PLEKHM3: variants seen among roughly 807,000 people sequenced by gnomAD.
PLEKHM3 encodes pleckstrin homology domain containing M3, also known as pleckstrin homology domain-containing family M member 3.
A neutral mutation model predicts 81.8 loss-of-function variants in PLEKHM3; 45 were observed. The ratio of observed to expected loss-of-function variants is 0.55; its 90% CI spans 0.43 to 0.71. PLEKHM3 has a LOEUF of 0.71. Ranked by LOEUF, PLEKHM3 falls within the 30% of genes least tolerant of loss-of-function variation. The pLI, the probability that PLEKHM3 is intolerant of heterozygous loss-of-function variation, is 0.00. For missense variants in PLEKHM3, 788 were observed against 924.3 expected (o/e 0.85, Z 1.91); for synonymous variants, 352 against 356.4 (o/e 0.99, Z 0.14).
intron 3 of PLEKHM3, among the ~76,000 whole-genome samples, chr2:207,964,176 C>T (rs141985410): frequency 0.037 from 5,641 of 151,702 alleles, 325 homozygotes; most frequent in African/African-American, 0.13. Context: ...CACGCCACTG[C>T]ACTCCAGCCT....
chr2:207,987,544 C>T (rs572497974), intron 2 of PLEKHM3, among the ~76,000 whole-genome samples: 45 of 152,272 alleles, frequency 3.0e-4, no homozygotes, highest in African/African-American at 7.7e-4. Context: ...GCGGACTCAG[C>T]GGGAAAGAAC....
In PLEKHM3 at chr2:207,825,330, CA is replaced by C. The variant is rs2105873291; in HGVS notation, c.*2988del. 6.6e-6 allele frequency: 1 copy of C among 152,244 alleles called. No homozygotes were observed. The highest frequency in any genetic ancestry group is 6.5e-5 in the Admixed American group (1 of 15,298). 9.4% of individuals were successfully genotyped at this position (152,244 alleles called of 1,614,324 possible). ...GTGATACACTAGGGAATGAGCCTTT[CA>C]GCAAAAAGCGGTTCCCCGGAGTCAG... On this transcript the variant is annotated 3_prime_UTR_variant, in exon 8 of 8. Coordinates refer to ENST00000427836, the MANE Select transcript of PLEKHM3 (RefSeq NM_001080475.3).
rs770829129 is a variant in PLEKHM3 at position 207,828,488 on chromosome 2, C to A, written c.2117G>T (p.Ser706Ile). ...FEDISTSRCE[S>I]CGAVFHSECK... Reference sequence around the variant, plus strand: ...TTCAGAATGGAAAACGGCTCCACAGCTTTCACACCTGCAAAAGTCAACCAT... The same window carrying A: ...TTCAGAATGGAAAACGGCTCCACAGATTTCACACCTGCAAAAGTCAACCAT... The change falls in exon 8 of 8, where the codon AGC becomes ATC. Residue 706 changes from serine to isoleucine, a missense_variant. Coordinates refer to ENST00000427836, the MANE Select transcript of PLEKHM3 (RefSeq NM_001080475.3). 1 of 1,613,576 alleles carries A rather than the reference C, an allele frequency of 6.2e-7. No homozygotes were observed. Among genetic ancestry groups the A allele is most frequent in the East Asian group, 2.2e-5 (1 of 44,872 alleles).
At chr2:207,997,353 A>C (rs1251994864) in intron 2 of PLEKHM3, among the ~76,000 whole-genome samples, 1 of 152,124 alleles carries the variant, frequency 6.6e-6, no homozygotes, top group Non-Finnish European at 1.5e-5. Flanking sequence ...GATGAAGAAG[A>C]CCCTTGGACT....
intron 6 of PLEKHM3, among the ~76,000 whole-genome samples, chr2:207,907,197 T>C (rs1688637548): frequency 6.6e-6 from 1 of 152,106 alleles, no homozygotes; most frequent in South Asian, 2.1e-4. Context: ...GCTAATCTGG[T>C]TAATCATTAA....
At chr2:207,951,860 C>T (rs1330387759) in intron 3 of PLEKHM3, among the ~76,000 whole-genome samples, 8 of 152,174 alleles carry the variant, frequency 5.3e-5, no homozygotes, top group Admixed American at 3.3e-4. Context: ...CTCTACTTTA[C>T]GACTATTACC....
chr2:207,934,102 A>G (rs1425820469), intron 4 of PLEKHM3, among the ~76,000 whole-genome samples: 1 of 152,238 alleles, frequency 6.6e-6, no homozygotes, highest in African/African-American at 2.4e-5. Context: ...AAATGTTAAA[A>G]AAAAAGTTAC....
chr2:207,942,206 A>G (rs1206877675), intron 4 of PLEKHM3, among the ~76,000 whole-genome samples: 1 of 152,248 alleles, frequency 6.6e-6, no homozygotes, highest in Admixed American at 6.5e-5. Flanking sequence ...GCACAATGGG[A>G]TATTATTCAG....
intron 4 of PLEKHM3, among the ~76,000 whole-genome samples, chr2:207,945,875 T>G (rs1690107056): frequency 6.6e-6 from 1 of 150,524 alleles, no homozygotes; most frequent in African/African-American, 2.4e-5. Context: ...CACTCCAGCC[T>G]GGGTGATGGA....
chr2:207,874,634 C>T (rs2092551825), intron 6 of PLEKHM3, among the ~76,000 whole-genome samples: 1 of 151,670 alleles, frequency 6.6e-6, no homozygotes, highest in Non-Finnish European at 1.5e-5. Flanking sequence ...CTCTGTCGCC[C>T]AGGCTGGAGT....
chr2:208,016,000 C>A (rs766507642), intron 1 of PLEKHM3, among the ~76,000 whole-genome samples: 2 of 152,058 alleles, frequency 1.3e-5, no homozygotes, highest in Non-Finnish European at 2.9e-5. Flanking sequence ...TCGAGACCAG[C>A]CTGGCCAAAA....
At position 207,999,710 on chromosome 2, in the gene PLEKHM3, A is replaced by G. The variant is rs140643786; in HGVS notation, c.610+1320T>C. Among the ~76,000 whole-genome samples, 438 of 152,324 alleles carry G rather than the reference A, an allele frequency of 2.9e-3. 2 individuals carry two copies. The highest frequency in any genetic ancestry group is 3.4e-3 in the Non-Finnish European group (233 of 68,008). On this transcript the variant is annotated intron_variant, in intron 2 of 7. Coordinates refer to ENST00000427836, the MANE Select transcript of PLEKHM3 (RefSeq NM_001080475.3). ...TGTAAGACTGGTGAGAGCCTACGAG[A>G]GAAGACAAGGAATTACAAGTCATGA...
In PLEKHM3 at chr2:208,001,810, G is replaced by C; in HGVS notation, c.-171C>G. 9.0e-7 allele frequency: 1 copy of C among 1,106,266 alleles called. No homozygotes were observed. The highest frequency in any genetic ancestry group is 1.3e-6 in the Non-Finnish European group (1 of 794,706). The allele number at this position is 1,106,266 out of a possible 1,614,324, so 68.5% of individuals were successfully genotyped here. A position where few individuals can be genotyped will look rare whatever the true frequency, so the allele number is the denominator to read the frequency against. ...AACCCAAAGTGGTTGATGTTTTCCT[G>C]GTAATTAAAAGCATTTGCTAGTGGC... On this transcript the variant is annotated 5_prime_UTR_variant, in exon 2 of 8. Transcript: ENST00000427836.
chr2:207,841,932 A>T (rs2092356693), intron 7 of PLEKHM3, among the ~76,000 whole-genome samples: 2 of 151,988 alleles, frequency 1.3e-5, no homozygotes, highest in Admixed American at 6.6e-5. Context: ...TACTGCCCCG[A>T]TCTTTATTTT....
At chr2:207,995,959 T>A (rs554419335) in intron 2 of PLEKHM3, among the ~76,000 whole-genome samples, 1 of 152,130 alleles carries the variant, frequency 6.6e-6, no homozygotes, top group Admixed American at 6.5e-5. Context: ...CGTTATAAAA[T>A]TATCTCAAAT....
rs552014878 is a variant in PLEKHM3, at chr2:207,822,958, G to T, written c.*5361C>A. The T allele has an allele frequency of 1.3e-5, 2 of 152,328 alleles. No homozygotes were observed. The highest frequency in any genetic ancestry group is 6.5e-5 in the Admixed American group (1 of 15,270). 9.4% of individuals were successfully genotyped at this position (152,328 alleles called of 1,614,324 possible). ...CTCTGGGCTGGGGCTCAGAACTAGG[G>T]GCAAGGAAGATCCAGGGAAAAGAGA... On this transcript the variant is annotated 3_prime_UTR_variant, in exon 8 of 8. Coordinates refer to ENST00000427836, the MANE Select transcript of PLEKHM3 (RefSeq NM_001080475.3).
intron 7 of PLEKHM3, among the ~76,000 whole-genome samples, chr2:207,830,897 G>A (rs1338805527): frequency 6.6e-6 from 1 of 152,198 alleles, no homozygotes; most frequent in Non-Finnish European, 1.5e-5. Flanking sequence ...CATTTCTGTT[G>A]TCTAAGCCAC....
At chr2:207,852,125 T>C (rs761448676) in intron 7 of PLEKHM3, among the ~76,000 whole-genome samples, 4 of 152,166 alleles carry the variant, frequency 2.6e-5, no homozygotes, top group Non-Finnish European at 5.9e-5. Flanking sequence ...AGGTACACAA[T>C]TTTTTCAAAT....
At chr2:207,839,109 T>C (rs1018630350) in intron 7 of PLEKHM3, among the ~76,000 whole-genome samples, 1 of 152,102 alleles carries the variant, frequency 6.6e-6, no homozygotes, top group Non-Finnish European at 1.5e-5. Context: ...GTAAGCCTTT[T>C]AAAAAGAAAT....
Sources: gnomAD v4.1 joint callset for allele counts (sites outside exome capture counted in the v4.1 genomes callset) on GRCh38, gnomAD v4.1.1 for gene constraint, MANE v1.5 for transcripts, NCBI Gene and HGNC (gene_info 2026-07-23, HGNC 2026-07-21) for gene names.